Variants in VAV3 observed in about 807,000 individuals in gnomAD.
VAV3 encodes the protein guanine nucleotide exchange factor VAV3.
In VAV3, 94 loss-of-function variants were observed where a neutral mutation model predicts 131.2. That is an observed-to-expected ratio of 0.72 (90% CI 0.61 to 0.85). The LOEUF (loss-of-function observed/expected upper bound fraction) is 0.85. Among genes scored for constraint, VAV3 ranks in the 40% least tolerant of loss-of-function variants. The pLI is 0.00. For missense variants in VAV3, 939 were observed against 1,002.7 expected (o/e 0.94, Z 0.86); for synonymous variants, 349 against 342.0 (o/e 1.02, Z -0.22).
intron 25 of VAV3, among the ~76,000 whole-genome samples, chr1:107,575,154 T>C (rs1008095460): frequency 6.6e-6 from 1 of 152,232 alleles, no homozygotes. Flanking sequence ...GCACGCTTTA[T>C]ATTAACTTCT....
chr1:107,786,902 T>A (rs1009499300), intron 2 of VAV3, among the ~76,000 whole-genome samples: 1 of 152,228 alleles, frequency 6.6e-6, no homozygotes, highest in Non-Finnish European at 1.5e-5. Flanking sequence ...ATTCAGTGGT[T>A]ATTATTTTGT....
chr1:107,885,671 A>T (rs922685329), intron 1 of VAV3, among the ~76,000 whole-genome samples: 1 of 152,024 alleles, frequency 6.6e-6, no homozygotes, highest in Non-Finnish European at 1.5e-5. Flanking sequence ...TACTTACCTG[A>T]TACAGGTAAG....
At chr1:107,875,589 G>A (rs1670458355) in intron 1 of VAV3, among the ~76,000 whole-genome samples, 2 of 152,134 alleles carry the variant, frequency 1.3e-5, no homozygotes, top group South Asian at 4.1e-4. Context: ...AGTAATGGGG[G>A]GAAAAGGAGG....
At chr1:107,621,680 A>G (rs1653619132) in intron 20 of VAV3, among the ~76,000 whole-genome samples, 1 of 152,170 alleles carries the variant, frequency 6.6e-6, no homozygotes, top group Non-Finnish European at 1.5e-5. Flanking sequence ...TGGGTCAGAT[A>G]ATCAGCTTGT....
At chr1:107,693,378 CT>C (rs1212865814) in intron 17 of VAV3, among the ~76,000 whole-genome samples, 1 of 152,134 alleles carries the variant, frequency 6.6e-6, no homozygotes, top group African/African-American at 2.4e-5. Context: ...CTTAACACAT[CT>C]TTTTTTCATA....
intron 1 of VAV3, among the ~76,000 whole-genome samples, chr1:107,884,409 TTATTA>T (rs1557901058): frequency 0.011 from 13 of 1,186 alleles, no homozygotes; most frequent in Non-Finnish European, 0.037. Flanking sequence ...AAATTATTTA[TTATTA>T]TTATTATTAT....
intron 1 of VAV3, among the ~76,000 whole-genome samples, chr1:107,893,418 C>A (rs1671407732): frequency 1.3e-5 from 2 of 151,982 alleles, no homozygotes; most frequent in African/African-American, 4.8e-5. Flanking sequence ...TTGTATTAGC[C>A]CATTTTCATG....
chr1:107,728,983 A>C (rs1662049933), intron 15 of VAV3, among the ~76,000 whole-genome samples: 1 of 152,180 alleles, frequency 6.6e-6, no homozygotes, highest in Non-Finnish European at 1.5e-5. Flanking sequence ...AAAGCCCTGC[A>C]AAACAGTTTA....
At chr1:107,847,061 T>C (rs1669002568) in intron 2 of VAV3, among the ~76,000 whole-genome samples, 1 of 152,006 alleles carries the variant, frequency 6.6e-6, no homozygotes, top group Non-Finnish European at 1.5e-5. Flanking sequence ...ATGGAAATCA[T>C]AAAAAACAGT....
At chr1:107,665,904 C>T (rs752212801) in intron 19 of VAV3, among the ~76,000 whole-genome samples, 4 of 152,030 alleles carry the variant, frequency 2.6e-5, no homozygotes, top group Admixed American at 6.5e-5. Flanking sequence ...AAGAAACAAA[C>T]GGTGAAGGAT....
At chr1:107,955,704 G>C (rs928172171) in intron 1 of VAV3, among the ~76,000 whole-genome samples, 2 of 149,586 alleles carry the variant, frequency 1.3e-5, no homozygotes, top group East Asian at 3.9e-4. Context: ...CAACAGCACA[G>C]AGACATTTAA....
At chr1:107,648,807 TTGG>T (rs1302653197) in intron 19 of VAV3, among the ~76,000 whole-genome samples, 1 of 152,000 alleles carries the variant, frequency 6.6e-6, no homozygotes, top group Non-Finnish European at 1.5e-5. Flanking sequence ...CTACTTCAGG[TTGG>T]TCATTCTATG....
chr1:107,843,664 T>C (rs1052282982), intron 2 of VAV3, among the ~76,000 whole-genome samples: 6 of 151,882 alleles, frequency 4.0e-5, no homozygotes, highest in African/African-American at 7.3e-5. Flanking sequence ...GGCTGGAACA[T>C]AGAAAGCCAA....
Position 107,909,776 on chromosome 1 carries a change from T to C in VAV3, c.205-34759A>G, listed in dbSNP as rs553790561. ...TAATGCAGGTATCCAGACTCTGCCA[T>C]GTATAGATGTTCTTTAATTGTGTTA... On this transcript the variant is annotated intron_variant, in intron 1 of 26. Transcript: ENST00000370056. Among the ~76,000 whole-genome samples the C allele has an allele frequency of 7.2e-5, 11 of 152,142 alleles. No individual in the cohort carries two copies. The East Asian group carries it at 1.9e-3, about 27-fold the overall frequency.
chr1:107,721,530 C>T (rs1033539359), intron 15 of VAV3, among the ~76,000 whole-genome samples: 3 of 152,090 alleles, frequency 2.0e-5, no homozygotes, highest in Admixed American at 6.6e-5. Context: ...AAAATGGGTG[C>T]TTGTAGAGGC....
intron 1 of VAV3, among the ~76,000 whole-genome samples, chr1:107,932,289 T>C (rs1455117260): frequency 1.3e-5 from 2 of 152,186 alleles, no homozygotes; most frequent in African/African-American, 4.8e-5. Flanking sequence ...AATGACACCT[T>C]AGAAGTGGTA....
intron 20 of VAV3, among the ~76,000 whole-genome samples, chr1:107,635,659 G>A (rs1261038192): frequency 6.6e-6 from 1 of 152,040 alleles, no homozygotes; most frequent in African/African-American, 2.4e-5. Flanking sequence ...CTGAAACACT[G>A]CCACAAATTT....
At chr1:107,695,977 GATGTTGAATAA>G (rs1339003649) in intron 17 of VAV3, among the ~76,000 whole-genome samples, 1 of 152,130 alleles carries the variant, frequency 6.6e-6, no homozygotes, top group African/African-American at 2.4e-5. Flanking sequence ...AAACAAGTCT[GATGTTGAATAA>G]AGATAGCATG....
chr1:107,827,597 G>T (rs1360009199), intron 2 of VAV3, among the ~76,000 whole-genome samples: 1 of 152,136 alleles, frequency 6.6e-6, no homozygotes, highest in African/African-American at 2.4e-5. Context: ...CATTTAACTC[G>T]ATCAAGGACC....
Sources: allele counts gnomAD v4.1 joint callset (sites outside exome capture counted in the v4.1 genomes callset), GRCh38; gene constraint gnomAD v4.1.1; transcripts MANE v1.5; gene names NCBI Gene and HGNC (gene_info 2026-07-23, HGNC 2026-07-21).